DCST2: variants seen among roughly 807,000 people sequenced by gnomAD.
DCST2 encodes the protein DC-STAMP domain-containing protein 2.
A neutral mutation model predicts 81.8 loss-of-function variants in DCST2; 64 were observed. That is an observed-to-expected ratio of 0.78 (90% CI 0.64 to 0.96). The LOEUF (loss-of-function observed/expected upper bound fraction) is 0.96, where lower values mean the gene tolerates loss of function less well. DCST2 is among the 40% of genes least tolerant of loss of function. DCST2 has a pLI of 0.00. For missense variants in DCST2, 945 were observed against 1,001.4 expected, an observed-to-expected ratio of 0.94 and a Z score of 0.76; for synonymous variants, 354 against 402.6, an observed-to-expected ratio of 0.88 and a Z score of 1.44.
intron 8 of DCST2, among the ~76,000 whole-genome samples, chr1:155,027,344 C>A (rs1659943493): frequency 7.2e-6 from 1 of 138,162 alleles, no homozygotes; most frequent in Non-Finnish European, 1.5e-5. Context: ...GTAAGACCCC[C>A]AGAAACATTT....
At position 155,024,039 on chromosome 1, in the gene DCST2, G is replaced by A. The variant is rs1291314038; in HGVS notation, c.1743-80C>T. ...CCACTCCAGCACCAACCTCCAAATG[G>A]CAGGGAGGACTTCCTGACTTCCTGC... On this transcript the variant is annotated intron_variant, in intron 11 of 14. Coordinates refer to ENST00000368424, the MANE Select transcript of DCST2 (RefSeq NM_144622.3). 7.2e-6 allele frequency: 11 copies of A among 1,530,350 alleles called. No homozygotes were observed. In the Admixed American group the frequency reaches 2.2e-4, roughly 31 times the overall value. The allele number at this position is 1,530,350 out of a possible 1,614,324, so 94.8% of individuals were successfully genotyped here.
Position 155,029,334 on chromosome 1 carries a change from C to T in DCST2, c.1241G>A (p.Arg414Gln), listed in dbSNP as rs528566473. 2.5e-6 allele frequency: 4 copies of T among 1,613,996 alleles called. No individual in the cohort carries two copies. Among genetic ancestry groups the T allele is most frequent in the Non-Finnish European group, 2.5e-6 (3 of 1,179,976 alleles). The change falls in exon 8 of 15, where the codon CGA (arginine) becomes CAA (glutamine). Residue 414 changes from arginine to glutamine, a missense_variant. Physicochemically the swap from Arg to Gln is conservative, Grantham distance 43 (BLOSUM62 1). Transcript: ENST00000368424. ...TAGGAACAGCACGAGGAGGAGGTGT[C>T]GGATAAGGTTGAAGGTCTCCAGAAT... is the stretch of plus-strand genomic sequence containing the variant. ...FYILETFNLIRHLLLVLFLVF... is the reference protein window; with the variant it reads ...FYILETFNLIQHLLLVLFLVF...
Position 155,026,615 on chromosome 1 carries a change from G to C in DCST2, c.1443C>G (p.Ile481Met). 6.2e-7 allele frequency: 1 copy of C among 1,614,230 alleles called. No individual in the cohort carries two copies. Among genetic ancestry groups the C allele is most frequent in the Non-Finnish European group, 8.5e-7 (1 of 1,180,042 alleles). The change falls in exon 9 of 15, where the codon ATC becomes ATG. Residue 481 changes from isoleucine (I) to methionine (M), a missense_variant. Transcript: ENST00000368424. ...SAFDVLQQGN[I>M]SILSRRCLLR... is the part of the protein sequence containing the mutation. ...GGAGACAACGCCGGGACAAAATACT[G>C]ATGTTGCCTTGCTGCAGGACATCAA... is the stretch of plus-strand genomic sequence containing the variant.
chr1:155,031,892 G>A, intron 3 of DCST2, 121 bp from the exon 4 acceptor site: 5 of 1,064,000 alleles, frequency 4.7e-6, no homozygotes, highest in South Asian at 4.5e-5. Flanking sequence ...ACCTGGCTGT[G>A]CTGTGTCCAG....
Position 155,026,392 on chromosome 1 carries a change from A to G in DCST2, c.1521T>C (p.Tyr507=). The part of the protein sequence containing the change: ...STGYIVIGVM[Y]GLCFFITLFG... ...ACAGGGTGATGAAGAAGCATAGGCC[A>G]TACATGACGCCTGGGAGCACAGCAG... The change falls in exon 10 of 15, where the codon TAT becomes TAC. Residue 507 remains tyrosine (Y), a synonymous_variant. Transcript: ENST00000368424. 6.2e-7 allele frequency: 1 copy of G among 1,613,788 alleles called. No homozygotes were observed.
intron 12 of DCST2, 35 bp downstream of exon 12, chr1:155,023,797 G>T: frequency 6.2e-7 from 1 of 1,610,800 alleles, no homozygotes; most frequent in South Asian, 1.1e-5. Flanking sequence ...GGGTAAGTCC[G>T]AGCAGGGAGA....
intron 14 of DCST2, 58 bp from the exon 15 acceptor site, chr1:155,018,818 T>TCCCTGCCCCCTG: frequency 6.5e-7 from 1 of 1,530,726 alleles, no homozygotes. Context: ...CACAGGTGCA[T>TCCCTGCCCCCTG]CCCTGCCCCC....
At chr1:155,031,091 G>A (rs1412386925) in intron 5 of DCST2, 78 bp downstream of exon 5, 2 of 1,460,668 alleles carry the variant, frequency 1.4e-6, no homozygotes, top group Non-Finnish European at 9.3e-7. Flanking sequence ...GGAGCACTGG[G>A]GGCTGGCCAT....
intron 3 of DCST2, among the ~76,000 whole-genome samples, chr1:155,032,134 C>T (rs1660108847): frequency 6.6e-6 from 1 of 152,160 alleles, no homozygotes; most frequent in Non-Finnish European, 1.5e-5. Flanking sequence ...GCTGGGACTA[C>T]AGCTGCGTGC....
Position 155,024,603 on chromosome 1 carries a change from C to G in DCST2, c.1612-1G>C, listed in dbSNP as rs781269038. Reference sequence around the variant, plus strand: ...CATTGTACAGGTAGGAGATCCTCTCCTGGTGCGGGGAGATCAGGGATGGGG... The same window carrying G: ...CATTGTACAGGTAGGAGATCCTCTCGTGGTGCGGGGAGATCAGGGATGGGG... On this transcript the variant is annotated splice_acceptor_variant, in intron 10 of 14. Transcript: ENST00000368424. LOFTEE classifies it high-confidence loss of function. 6.3e-7 allele frequency: 1 copy of G among 1,595,546 alleles called. No individual in the cohort carries two copies. Among genetic ancestry groups the G allele is most frequent in the South Asian group, 1.2e-5 (1 of 86,820 alleles).
intron 5 of DCST2, 124 bp downstream of exon 5, chr1:155,031,045 C>T (rs1660058234): frequency 2.8e-6 from 3 of 1,054,720 alleles, no homozygotes; most frequent in Middle Eastern, 2.6e-4. Flanking sequence ...ATCACTTGAG[C>T]CCCTTTCTTT....
Position 155,029,224 on chromosome 1 carries a change from G to A in DCST2, c.1342+9C>T, listed in dbSNP as rs1659998076. 4 of 1,612,684 alleles carry A rather than the reference G, an allele frequency of 2.5e-6. No individual in the cohort carries two copies. On this transcript the variant is annotated intron_variant, in intron 8 of 14. Transcript: ENST00000368424. ...GTGAGTGGGAGGAGGCTGTCACGTAGGCACTCACTGCGGGCCACAATCTCC... is the reference window on the plus strand; with the variant it reads ...GTGAGTGGGAGGAGGCTGTCACGTAAGCACTCACTGCGGGCCACAATCTCC...
intron 7 of DCST2, among the ~76,000 whole-genome samples, chr1:155,029,805 AG>A (rs1487963515): frequency 2.0e-5 from 3 of 152,174 alleles, no homozygotes; most frequent in Non-Finnish European, 2.9e-5. Flanking sequence ...CCTGATGTCC[AG>A]GGTGCTCCCA....
intron 14 of DCST2, among the ~76,000 whole-genome samples, chr1:155,022,076 AG>A (rs1451929828): frequency 6.6e-6 from 1 of 152,134 alleles, no homozygotes; most frequent in Non-Finnish European, 1.5e-5. Context: ...CATGTTGGCC[AG>A]GCTGGTCTCG....
chr1:155,030,150 A>G lies in DCST2; in HGVS notation c.1111T>C (p.Ser371Pro). 1 of 1,614,170 alleles carries G rather than the reference A, an allele frequency of 6.2e-7. No homozygotes were observed. The highest frequency in any genetic ancestry group is 1.7e-4 in the Middle Eastern group (1 of 6,054). The change falls in exon 7 of 15, where the codon TCC (serine) becomes CCC (proline). Residue 371 changes from serine (S) to proline (P), a missense_variant. By Grantham distance (74) the Ser-to-Pro change is moderately conservative. Transcript: ENST00000368424. ...AGCACTGTGGGCAGCCCTGCCGTGG[A>G]GCGCACAGCCTCCATGCGCAGGAAT... is the stretch of plus-strand genomic sequence containing the variant. The part of the protein sequence containing the change: ...SRFLRMEAVR[S>P]TAGLPTVLPL...
intron 8 of DCST2, among the ~76,000 whole-genome samples, chr1:155,027,257 G>C (rs1294139652): frequency 7.0e-6 from 1 of 143,326 alleles, no homozygotes; most frequent in Non-Finnish European, 1.5e-5. Flanking sequence ...GGCCAGGCTG[G>C]TCTCAAACTC....
intron 10 of DCST2, 104 bp from the exon 11 acceptor site, chr1:155,024,706 T>G: frequency 1.5e-6 from 2 of 1,297,648 alleles, no homozygotes; most frequent in South Asian, 4.4e-5. Flanking sequence ...CCAACTCCTA[T>G]GAATCCCTCT....
chr1:155,018,913 T>C (rs905938), intron 14 of DCST2, among the ~76,000 whole-genome samples, 153 bp from the exon 15 acceptor site: 36,343 of 152,024 alleles, frequency 0.24, 4,534 homozygotes, highest in African/African-American at 0.27. Context: ...TACCAGCCCA[T>C]GGCTGTAGAT....
At chr1:155,032,531 G>T in intron 3 of DCST2, 136 bp downstream of exon 3, 1 of 631,776 alleles carries the variant, frequency 1.6e-6, no homozygotes, top group Non-Finnish European at 2.8e-6. Context: ...TGCCAAGGCT[G>T]GTCTCAAACT....
Sources: allele counts gnomAD v4.1 joint callset (sites outside exome capture counted in the v4.1 genomes callset), GRCh38; gene constraint gnomAD v4.1.1; transcripts MANE v1.5; gene names NCBI Gene and HGNC (gene_info 2026-07-23, HGNC 2026-07-21).